The following EPHB2 variants were observed in gnomAD, a reference collection of about 807,000 sequenced individuals.
EPHB2 encodes the protein EPH receptor B2.
A neutral mutation model predicts 96.4 loss-of-function variants in EPHB2; 18 were observed. That is an observed-to-expected ratio of 0.19 (90% CI 0.13 to 0.28). EPHB2 has a LOEUF of 0.28. Among genes scored for constraint, EPHB2 ranks in the 10% least tolerant of loss-of-function variants. The pLI is 1.00. For missense variants in EPHB2, 989 were observed against 1,355.4 expected, an observed-to-expected ratio of 0.73 and a Z score of 4.25; for synonymous variants, 506 against 534.1, an observed-to-expected ratio of 0.95 and a Z score of 0.72.
At chr1:22,744,594 A>T (rs970137885) in intron 1 of EPHB2, among the ~76,000 whole-genome samples, 2 of 145,458 alleles carry the variant, frequency 1.4e-5, no homozygotes, top group Admixed American at 1.4e-4. Flanking sequence ...CAGGAGGATC[A>T]CTTGAACCCA....
intron 1 of EPHB2, among the ~76,000 whole-genome samples, chr1:22,742,231 TG>T (rs1440795633): frequency 6.6e-6 from 1 of 152,114 alleles, no homozygotes; most frequent in African/African-American, 2.4e-5. Context: ...GTCCCTGACA[TG>T]AGGACCGCCC....
chr1:22,821,231 A>G (rs1645148117), intron 3 of EPHB2, among the ~76,000 whole-genome samples: 1 of 152,182 alleles, frequency 6.6e-6, no homozygotes, highest in Non-Finnish European at 1.5e-5. Flanking sequence ...CTAACATCTC[A>G]TCAGCCAGAA....
intron 6 of EPHB2, among the ~76,000 whole-genome samples, chr1:22,889,731 G>T (rs2148561846): frequency 6.6e-6 from 1 of 152,296 alleles, no homozygotes; most frequent in South Asian, 2.1e-4. Flanking sequence ...GACAAGTGAG[G>T]AAAGGGTATT....
intron 6 of EPHB2, among the ~76,000 whole-genome samples, chr1:22,886,830 T>C (rs1470002268): frequency 6.6e-6 from 1 of 151,934 alleles, no homozygotes; most frequent in Non-Finnish European, 1.5e-5. Context: ...TTCTCCATGT[T>C]GATCAGGCTG....
intron 14 of EPHB2, among the ~76,000 whole-genome samples, chr1:22,911,239 TTCCTAGCTACCC>T (rs1252178155): frequency 6.6e-6 from 1 of 152,180 alleles, no homozygotes; most frequent in African/African-American, 2.4e-5. Flanking sequence ...CTAAGTTTCC[TTCCTAGCTACCC>T]TCACGCTCAA....
At chr1:22,723,612 A>C (rs1311515923) in intron 1 of EPHB2, among the ~76,000 whole-genome samples, 1 of 152,202 alleles carries the variant, frequency 6.6e-6, no homozygotes, top group Non-Finnish European at 1.5e-5. Flanking sequence ...GAGGGAGGAG[A>C]TATCGGGGGA....
intron 1 of EPHB2, among the ~76,000 whole-genome samples, chr1:22,775,678 G>A (rs918087769): frequency 1.3e-5 from 2 of 152,184 alleles, no homozygotes; most frequent in Non-Finnish European, 2.9e-5. Flanking sequence ...TCCCCAGCCC[G>A]GCAGTCAGGG....
chr1:22,735,843 G>A (rs1643815252), intron 1 of EPHB2, among the ~76,000 whole-genome samples: 1 of 152,200 alleles, frequency 6.6e-6, no homozygotes, highest in Admixed American at 6.5e-5. Context: ...GAGGGAGAGG[G>A]CTGGGAGGTC....
At chr1:22,850,599 C>G (rs2148508723) in intron 3 of EPHB2, among the ~76,000 whole-genome samples, 1 of 152,344 alleles carries the variant, frequency 6.6e-6, no homozygotes, top group Admixed American at 6.5e-5. Context: ...ACTCGCTATT[C>G]CTGCATCTGT....
At chr1:22,736,018 C>T (rs1230399564) in intron 1 of EPHB2, among the ~76,000 whole-genome samples, 1 of 152,198 alleles carries the variant, frequency 6.6e-6, no homozygotes, top group East Asian at 1.9e-4. Context: ...GGCTCTTTTC[C>T]CTCTCTGAGC....
chr1:22,873,919 C>T (rs1281194372), intron 5 of EPHB2, among the ~76,000 whole-genome samples: 1 of 152,180 alleles, frequency 6.6e-6, no homozygotes, highest in Non-Finnish European at 1.5e-5. Flanking sequence ...ATGTACCTAG[C>T]TAAGAACCAG....
chr1:22,853,864 A>G (rs970011843), intron 3 of EPHB2, among the ~76,000 whole-genome samples: 1 of 152,230 alleles, frequency 6.6e-6, no homozygotes, highest in African/African-American at 2.4e-5. Flanking sequence ...GACTCAACAG[A>G]TGGCAGGGGT....
chr1:22,864,444 A>G lies in EPHB2; in HGVS notation c.968-433A>G, dbSNP rs536162727. ...CAGGGAAAGGACAAAGGGACACGCC[A>G]TAGCTGTCTGTCTCTTTTTAAAGAA... is the stretch of plus-strand genomic sequence containing the variant. On this transcript the variant is annotated intron_variant, in intron 4 of 15. Transcript: ENST00000374630. Among the ~76,000 whole-genome samples, 10 of 152,306 alleles carry G rather than the reference A, an allele frequency of 6.6e-5. No homozygotes were observed. The East Asian group carries it at 1.7e-3, about 26-fold the overall frequency.
Position 22,865,856 on chromosome 1 carries a change from T to C in EPHB2, c.1303+644T>C, listed in dbSNP as rs1288094942. On this transcript the variant is annotated intron_variant, in intron 5 of 15. Coordinates refer to ENST00000374630, the MANE Select transcript of EPHB2 (RefSeq NM_017449.5). ...CTGTGAAGTTCAGCCCACTCCAGTC[T>C]TAACTCCAGCAAAACTCTCCTCAAG... 3.3e-5 allele frequency among the ~76,000 whole-genome samples: 5 copies of C among 152,248 alleles called. No homozygotes were observed. The East Asian group carries it at 7.7e-4, about 24-fold the overall frequency.
chr1:22,904,345 G>C (rs952755664), intron 9 of EPHB2, among the ~76,000 whole-genome samples: 8 of 151,684 alleles, frequency 5.3e-5, no homozygotes, highest in African/African-American at 1.9e-4. Context: ...ACTCAAGGTT[G>C]GATTTTTTGA....
chr1:22,875,545 C>T lies in EPHB2; in HGVS notation c.1304-6814C>T, dbSNP rs1384647417. ...GTGGCCAGCCCACAAGGTCGGTAGA[C>T]TCGGGTTCCTGAGGGCGCCAGAAAA... is the stretch of plus-strand genomic sequence containing the variant. On this transcript the variant is annotated intron_variant, in intron 5 of 15. Coordinates refer to ENST00000374630, the MANE Select transcript of EPHB2 (RefSeq NM_017449.5). This position sits in a 1 kb window ranked among gnomAD's most constrained non-coding sequence, Gnocchi z 4.2. Among the ~76,000 whole-genome samples, 1 of 152,150 alleles carries T rather than the reference C, an allele frequency of 6.6e-6. No individual in the cohort carries two copies. Among genetic ancestry groups the T allele is most frequent in the Non-Finnish European group, 1.5e-5 (1 of 68,030 alleles).
At chr1:22,802,578 G>A (rs559939414) in intron 3 of EPHB2, among the ~76,000 whole-genome samples, 3 of 152,178 alleles carry the variant, frequency 2.0e-5, no homozygotes, top group South Asian at 4.2e-4. Context: ...CTGAGGCTCC[G>A]AGAGGAGAAA....
At chr1:22,892,625 T>G (rs532422531) in intron 6 of EPHB2, among the ~76,000 whole-genome samples, 1 of 152,152 alleles carries the variant, frequency 6.6e-6, no homozygotes, top group Non-Finnish European at 1.5e-5. Flanking sequence ...ACTAGAATGT[T>G]CCAGTGGCCA....
At chr1:22,821,535 G>A (rs776155395) in intron 3 of EPHB2, among the ~76,000 whole-genome samples, 13 of 152,178 alleles carry the variant, frequency 8.5e-5, no homozygotes, top group African/African-American at 9.7e-5. Flanking sequence ...AAAAAATGGG[G>A]GCAGAATCAT....
Sources: gnomAD v4.1 joint callset for allele counts (sites outside exome capture counted in the v4.1 genomes callset) on GRCh38, gnomAD v4.1.1 for gene constraint, Gnocchi (gnomAD v3.1) non-coding constraint, MANE v1.5 for transcripts, NCBI Gene and HGNC (gene_info 2026-07-23, HGNC 2026-07-21) for gene names.